The following MSRA variants were observed in gnomAD, a reference collection of about 807,000 sequenced individuals.
The protein encoded by MSRA is mitochondrial peptide methionine sulfoxide reductase.
Under a neutral mutation model 31.3 loss-of-function variants are expected in MSRA, and 54 were observed. That is an observed-to-expected ratio of 1.73 (90% CI 1.39 to 2.17). The LOEUF is 2.17. Ranked by LOEUF, MSRA falls within the 30% of genes most tolerant of loss-of-function variation. The pLI is 0.00. For synonymous variants in MSRA, 169 were observed against 116.5 expected (o/e 1.45, Z -2.90); for missense variants, 507 against 300.9 (o/e 1.69, Z -5.07).
intron 5 of MSRA, among the ~76,000 whole-genome samples, chr8:10,331,823 C>T (rs1409559513): frequency 6.6e-6 from 1 of 152,158 alleles, no homozygotes; most frequent in Non-Finnish European, 1.5e-5. Flanking sequence ...AATGCACATA[C>T]TATTAATATA....
At chr8:10,157,088 T>A (rs1370539345) in intron 1 of MSRA, among the ~76,000 whole-genome samples, 2 of 152,062 alleles carry the variant, frequency 1.3e-5, no homozygotes, top group African/African-American at 2.4e-5. Context: ...ATTTGAAATT[T>A]AAACCCAGTT....
At chr8:10,353,947 T>G (rs1339766562) in intron 5 of MSRA, 3 of 189,644 alleles carry the variant, frequency 1.6e-5, no homozygotes, top group African/African-American at 7.1e-5. Context: ...AAAGCAGTGT[T>G]GTCAAGAGAG....
At chr8:10,237,880 A>G (rs1812086094) in intron 2 of MSRA, among the ~76,000 whole-genome samples, 2 of 152,214 alleles carry the variant, frequency 1.3e-5, no homozygotes. Context: ...GATTACAGCC[A>G]TAGTTTCTTA....
intron 3 of MSRA, among the ~76,000 whole-genome samples, chr8:10,290,469 C>T (rs1800172498): frequency 6.6e-6 from 1 of 152,136 alleles, no homozygotes; most frequent in Non-Finnish European, 1.5e-5. Context: ...TCCATTTCCT[C>T]CTTTGTGGTT....
intron 1 of MSRA, among the ~76,000 whole-genome samples, chr8:10,086,871 G>T (rs1798583827): frequency 6.6e-6 from 1 of 150,596 alleles, no homozygotes; most frequent in Non-Finnish European, 1.5e-5. Flanking sequence ...AGAGAGGGAG[G>T]GAGAGGGAGA....
intron 2 of MSRA, among the ~76,000 whole-genome samples, chr8:10,243,666 T>G (rs1200452480): frequency 1.3e-5 from 2 of 152,192 alleles, no homozygotes; most frequent in African/African-American, 4.8e-5. Context: ...AAAATATTCC[T>G]AAATTGTCAC....
At chr8:10,375,345 G>C (rs936050533) in intron 5 of MSRA, among the ~76,000 whole-genome samples, 14 of 152,310 alleles carry the variant, frequency 9.2e-5, no homozygotes, top group African/African-American at 3.1e-4. Context: ...AAGGACAGCT[G>C]GTATGGATCT....
intron 3 of MSRA, among the ~76,000 whole-genome samples, chr8:10,281,923 C>G (rs377157294): frequency 3.3e-5 from 5 of 152,238 alleles, no homozygotes; most frequent in African/African-American, 1.2e-4. Context: ...GATAAAGGGA[C>G]AAAGAAATAC....
intron 5 of MSRA, among the ~76,000 whole-genome samples, chr8:10,371,460 C>G (rs995121559): frequency 6.6e-6 from 1 of 152,108 alleles, no homozygotes; most frequent in African/African-American, 2.4e-5. Context: ...GGTTCCCACA[C>G]TTTAGGGGTG....
chr8:10,065,220 C>T (rs920517247), intron 1 of MSRA, among the ~76,000 whole-genome samples: 1 of 152,054 alleles, frequency 6.6e-6, no homozygotes, highest in Non-Finnish European at 1.5e-5. Context: ...CCAGGGTGTC[C>T]AGGTGGTCCT....
chr8:10,141,848 C>T (rs1219404433), intron 1 of MSRA, among the ~76,000 whole-genome samples: 2 of 152,224 alleles, frequency 1.3e-5, no homozygotes, highest in African/African-American at 4.8e-5. Context: ...TCTAGGATTA[C>T]CGTGGTTGCA....
intron 3 of MSRA, among the ~76,000 whole-genome samples, chr8:10,259,127 A>T (rs2975688): frequency 0.092 from 13,928 of 151,528 alleles, 747 homozygotes; most frequent in East Asian, 0.21. Context: ...AAAGAGGCAG[A>T]TATATATGTT....
At chr8:10,209,005 G>A (rs892396672) in intron 2 of MSRA, among the ~76,000 whole-genome samples, 6 of 152,228 alleles carry the variant, frequency 3.9e-5, no homozygotes, top group Middle Eastern at 3.2e-3. Flanking sequence ...ATTAGCAGCT[G>A]CAGAGTCATA....
chr8:10,207,967 T>C (rs1809147827), intron 2 of MSRA, 66 bp downstream of exon 2: 1 of 1,332,566 alleles, frequency 7.5e-7, no homozygotes, highest in Non-Finnish European at 1.1e-6. Context: ...TTTCTTAGTT[T>C]TAGCAAGTGT....
rs575736668 is a variant in MSRA at position 10,183,358 on chromosome 8, G to C, written c.143-24475G>C. ...TGGTACTTACGGCCTCTGTTTGCCAGGGGCTAAGTGTGATAATGGGTCAGA... is the reference window on the plus strand; with the variant it reads ...TGGTACTTACGGCCTCTGTTTGCCACGGGCTAAGTGTGATAATGGGTCAGA... On this transcript the variant is annotated intron_variant, in intron 1 of 5. Coordinates refer to ENST00000317173, the MANE Select transcript of MSRA (RefSeq NM_012331.5). 1.5e-4 allele frequency among the ~76,000 whole-genome samples: 23 copies of C among 152,278 alleles called. No individual in the cohort carries two copies. The South Asian group carries it at 4.8e-3, about 32-fold the overall frequency.
At chr8:10,232,772 A>G (rs1811602064) in intron 2 of MSRA, among the ~76,000 whole-genome samples, 1 of 152,232 alleles carries the variant, frequency 6.6e-6, no homozygotes, top group Admixed American at 6.5e-5. Context: ...CAGGAATCTT[A>G]AGGTAATTCT....
intron 3 of MSRA, among the ~76,000 whole-genome samples, chr8:10,285,253 C>G (rs540466772): frequency 3.9e-5 from 6 of 152,138 alleles, no homozygotes; most frequent in Admixed American, 6.6e-5. Context: ...CCCAATCTTA[C>G]GGAGTAGTCT....
chr8:10,402,743 A>C (rs1356759988), intron 5 of MSRA, among the ~76,000 whole-genome samples: 12 of 152,326 alleles, frequency 7.9e-5, no homozygotes, highest in Admixed American at 7.8e-4. Context: ...GCTCTTCTCA[A>C]AAGTATAGTG....
intron 5 of MSRA, among the ~76,000 whole-genome samples, chr8:10,421,482 G>C (rs997147759): frequency 6.6e-6 from 1 of 151,942 alleles, no homozygotes; most frequent in Non-Finnish European, 1.5e-5. Flanking sequence ...GAGCCATCCT[G>C]CATTTCCCAG....
Sources: gnomAD v4.1 joint callset for allele counts (sites outside exome capture counted in the v4.1 genomes callset) on GRCh38, gnomAD v4.1.1 for gene constraint, MANE v1.5 for transcripts, NCBI Gene and HGNC (gene_info 2026-07-23, HGNC 2026-07-21) for gene names.